ZP3: variants seen among roughly 807,000 people sequenced by gnomAD.
ZP3 encodes the protein zona pellucida sperm-binding protein 3.
In ZP3, 21 loss-of-function variants were observed where a neutral mutation model predicts 35.6. The ratio of observed to expected loss-of-function variants is 0.59; its 90% CI spans 0.42 to 0.85. The LOEUF (loss-of-function observed/expected upper bound fraction) is 0.85, where lower values mean the gene tolerates loss of function less well. ZP3 is among the 40% of genes least tolerant of loss of function. The probability of loss-of-function intolerance (pLI) is 0.00; values close to 1 mark genes in which losing one functional copy is unlikely to be tolerated. For missense variants in ZP3, 437 were observed against 536.5 expected (o/e 0.81, Z 1.83); for synonymous variants, 207 against 214.5 (o/e 0.96, Z 0.31).
chr7:76,411,686 A>G (rs1450268449), intron 1 of ZP3, among the ~76,000 whole-genome samples: 1 of 152,206 alleles, frequency 6.6e-6, no homozygotes, highest in Non-Finnish European at 1.5e-5. Context: ...GGTTCCTCAC[A>G]CATTGCTGAT....
chr7:76,437,497 T>TC (rs1554626342), intron 5 of ZP3, among the ~76,000 whole-genome samples: 2 of 148,848 alleles, frequency 1.3e-5, no homozygotes, highest in Non-Finnish European at 1.5e-5. Flanking sequence ...TGTTTTTTTT[T>TC]GGGGGGAAAT....
At chr7:76,438,421 G>C (rs1299377946) in intron 5 of ZP3, among the ~76,000 whole-genome samples, 8 of 152,186 alleles carry the variant, frequency 5.3e-5, no homozygotes, top group Non-Finnish European at 1.2e-4. Context: ...AGCCTGGTGT[G>C]GTGGTGGGTA....
chr7:76,440,544 C>G lies in ZP3; in HGVS notation c.993C>G (p.Ser331Arg), dbSNP rs1806165265. The part of the protein sequence containing the change: ...CCNKGDCGTP[S>R]HSRRQPHVMS... The stretch of plus-strand genomic sequence containing the variant: ...ACAAAGGTGACTGTGGCACTCCAAG[C>G]CATTCCAGGAGGCAGCCTCATGTCA... The change falls in exon 7 of 8, where the codon AGC (serine) becomes AGG (arginine). Residue 331 changes from serine to arginine, a missense_variant. Ser to Arg is a moderately radical substitution (Grantham distance 110). Transcript: ENST00000394857. 4 of 1,614,216 alleles carry G rather than the reference C, an allele frequency of 2.5e-6. No individual in the cohort carries two copies. The East Asian group carries it at 8.9e-5, about 36-fold the overall frequency.
chr7:76,409,461 C>T (rs1178416767), intron 1 of ZP3: 1 of 152,228 alleles, frequency 6.6e-6, no homozygotes, highest in Non-Finnish European at 1.5e-5. Flanking sequence ...TACAGTCAAT[C>T]CAAGATCGAA....
At chr7:76,420,750 C>G (rs753456177), upstream of ZP3, among the ~76,000 whole-genome samples, 2 of 152,026 alleles carry the variant, frequency 1.3e-5, no homozygotes, top group Admixed American at 6.6e-5. Flanking sequence ...TGAAATTAAA[C>G]TGATGAAAGT....
intron 1 of ZP3, among the ~76,000 whole-genome samples, chr7:76,413,626 C>A (rs1289662988): frequency 1.3e-5 from 2 of 150,796 alleles, no homozygotes; most frequent in Non-Finnish European, 2.9e-5. Context: ...AAAAAAGCCT[C>A]AATTGATTTA....
intron 1 of ZP3, among the ~76,000 whole-genome samples, chr7:76,419,213 T>A (rs1211728566): frequency 1.3e-5 from 2 of 152,346 alleles, no homozygotes; most frequent in East Asian, 1.9e-4. Context: ...TTTTTCTTTA[T>A]GATTTGTGCA....
intron 1 of ZP3, among the ~76,000 whole-genome samples, chr7:76,413,959 A>T (rs1012311922): frequency 6.7e-6 from 1 of 149,234 alleles, no homozygotes; most frequent in Non-Finnish European, 1.5e-5. Flanking sequence ...GAGCCACCTC[A>T]TCTGGCCCAT....
At chr7:76,428,164 T>TTAAAA (rs1554625139) in intron 1 of ZP3, among the ~76,000 whole-genome samples, 1 of 133,956 alleles carries the variant, frequency 7.5e-6, no homozygotes, top group Non-Finnish European at 1.6e-5. Context: ...TGTCTCTATT[T>TTAAAA]AAAAAAAAAA....
intron 5 of ZP3, among the ~76,000 whole-genome samples, chr7:76,434,792 T>C (rs1432149498): frequency 6.7e-6 from 1 of 149,480 alleles, no homozygotes; most frequent in Non-Finnish European, 1.5e-5. Context: ...GGAGGGCTTG[T>C]TGAAATTGAT....
At chr7:76,416,897 C>T (rs578001879) in intron 1 of ZP3, among the ~76,000 whole-genome samples, 6 of 136,286 alleles carry the variant, frequency 4.4e-5, no homozygotes, top group African/African-American at 1.5e-4. Flanking sequence ...TATATATACA[C>T]ATACATATGT....
intron 2 of ZP3, among the ~76,000 whole-genome samples, chr7:76,431,647 C>T (rs1805827081): frequency 6.6e-6 from 1 of 152,168 alleles, no homozygotes; most frequent in Non-Finnish European, 1.5e-5. Context: ...CGCCTATAAT[C>T]CCAGCACTTT....
chr7:76,405,331 C>CTTT (rs1207800001), intron 1 of ZP3, among the ~76,000 whole-genome samples: 1 of 26,390 alleles, frequency 3.8e-5, no homozygotes, highest in East Asian at 1.5e-3. Context: ...TTTTTTCTTT[C>CTTT]TTTCTTTCTT....
intron 2 of ZP3, among the ~76,000 whole-genome samples, chr7:76,430,942 G>A (rs935698867): frequency 1.3e-5 from 2 of 152,338 alleles, no homozygotes; most frequent in Non-Finnish European, 1.5e-5. Context: ...TAGGTGACAT[G>A]CAGCCTGGGG....
intron 1 of ZP3, among the ~76,000 whole-genome samples, chr7:76,419,489 C>T (rs1487136131): frequency 6.6e-6 from 1 of 152,152 alleles, no homozygotes; most frequent in African/African-American, 2.4e-5. Context: ...TCTAGGCTCT[C>T]TCATCTATTC....
Position 76,433,491 on chromosome 7 carries a change from G to C in ZP3, c.557G>C (p.Arg186Thr), listed in dbSNP as rs762551776. 2 of 1,613,634 alleles carry C rather than the reference G, an allele frequency of 1.2e-6. No homozygotes were observed. Among genetic ancestry groups the C allele is most frequent in the Admixed American group, 3.3e-5 (2 of 59,906 alleles). Residue 186 changes from arginine (R) to threonine (T), a missense_variant, in exon 4 of 8, where the codon AGG (arginine) becomes ACG (threonine). Coordinates refer to ENST00000394857, the MANE Select transcript of ZP3 (RefSeq NM_001110354.2). ...LMEENWNAEK[R>T]SPTFHLGDAA... ...TCAGAGAACTGGAACGCTGAGAAGA[G>C]GTCCCCCACCTTCCACCTGGGAGAT... is the stretch of plus-strand genomic sequence containing the variant.
chr7:76,425,411 G>A (rs745557721), intron 1 of ZP3, 135 bp downstream of exon 1: 2 of 965,478 alleles, frequency 2.1e-6, no homozygotes, highest in Non-Finnish European at 3.0e-6. Context: ...TGGCCCAGTT[G>A]AGGCCTGAAG....
At chr7:76,414,677 C>T (rs1052925955) in intron 1 of ZP3, among the ~76,000 whole-genome samples, 13 of 131,208 alleles carry the variant, frequency 9.9e-5, no homozygotes, top group African/African-American at 3.9e-4. Context: ...TTCCCCTTCC[C>T]CTTCCCCTCC....
intron 5 of ZP3, among the ~76,000 whole-genome samples, chr7:76,435,609 ACCTT>A (rs1805970380): frequency 6.6e-6 from 1 of 152,260 alleles, no homozygotes; most frequent in Non-Finnish European, 1.5e-5. Flanking sequence ...AGAGTCTCAT[ACCTT>A]CACTCTATTG....
Sources: gnomAD v4.1 joint callset for allele counts (sites outside exome capture counted in the v4.1 genomes callset) on GRCh38, gnomAD v4.1.1 for gene constraint, MANE v1.5 for transcripts, NCBI Gene and HGNC (gene_info 2026-07-23, HGNC 2026-07-21) for gene names.